The following LMBRD2 variants were observed in gnomAD, a reference collection of about 807,000 sequenced individuals.
The protein encoded by LMBRD2 is G protein-coupled receptor-associated protein LMBRD2.
A neutral mutation model predicts 94.4 loss-of-function variants in LMBRD2; 55 were observed. The ratio of observed to expected loss-of-function variants is 0.58; its 90% CI spans 0.47 to 0.73. LMBRD2 has a LOEUF of 0.73. Ranked by LOEUF, LMBRD2 falls within the 30% of genes least tolerant of loss-of-function variation. The probability of loss-of-function intolerance (pLI) is 0.00; values close to 1 mark genes in which losing one functional copy is unlikely to be tolerated. For missense variants in LMBRD2, 640 were observed against 831.9 expected, an observed-to-expected ratio of 0.77 and a Z score of 2.84; for synonymous variants, 246 against 272.4, an observed-to-expected ratio of 0.90 and a Z score of 0.95.
In LMBRD2 at chr5:36,131,118, C is replaced by T. The variant is rs1157933952; in HGVS notation, c.747+5191G>A. Among the ~76,000 whole-genome samples the T allele has an allele frequency of 3.3e-5, 5 of 152,028 alleles. No individual in the cohort carries two copies. The East Asian group carries it at 5.8e-4, about 18-fold the overall frequency. ...CACTAGCAAAATGAATTCAAGAACA[C>T]GTTGAAAAGGTCATCCATCTGATCA... On this transcript the variant is annotated intron_variant, in intron 6 of 17. Coordinates refer to ENST00000296603, the MANE Select transcript of LMBRD2 (RefSeq NM_001007527.2).
At chr5:36,111,470 A>G (rs1279901232) in intron 13 of LMBRD2, among the ~76,000 whole-genome samples, 1 of 152,052 alleles carries the variant, frequency 6.6e-6, no homozygotes, top group Non-Finnish European at 1.5e-5. Context: ...TGATTAGGGT[A>G]TGCACTATAT....
chr5:36,143,112 T>C, intron 2 of LMBRD2, 64 bp downstream of exon 2: 2 of 1,089,550 alleles, frequency 1.8e-6, no homozygotes, highest in Non-Finnish European at 2.7e-6. Context: ...AATAACATTA[T>C]TTCCAACATG....
intron 14 of LMBRD2, 23 bp from the exon 15 acceptor site, chr5:36,110,014 A>C: frequency 1.3e-6 from 2 of 1,587,912 alleles, no homozygotes; most frequent in Non-Finnish European, 1.7e-6. Context: ...AAATGATCTC[A>C]AATATGGCAT....
intron 1 of LMBRD2, among the ~76,000 whole-genome samples, chr5:36,144,527 T>C (rs1419445264): frequency 6.6e-6 from 1 of 151,992 alleles, no homozygotes; most frequent in Non-Finnish European, 1.5e-5. Flanking sequence ...CTACTAAAAA[T>C]ACAAAAATTA....
chr5:36,131,978 T>C (rs1744162497), intron 6 of LMBRD2, among the ~76,000 whole-genome samples: 2 of 152,120 alleles, frequency 1.3e-5, no homozygotes, highest in South Asian at 4.1e-4. Context: ...CTAAAATTTA[T>C]ATGGAACCAC....
rs775647455 is a variant in LMBRD2, at chr5:36,105,234, T to A, written c.1898-37A>T. ...GGGGGAAAAATGTCTACTTCCCTAC[T>A]GTCTTTTAACTTATGGGTCACAGTC... On this transcript the variant is annotated intron_variant, in intron 16 of 17. Coordinates refer to ENST00000296603, the MANE Select transcript of LMBRD2 (RefSeq NM_001007527.2). 21 of 1,604,350 alleles carry A rather than the reference T, an allele frequency of 1.3e-5. No individual in the cohort carries two copies. In the African/African-American group the frequency reaches 2.8e-4, roughly 21 times the overall value.
chr5:36,144,852 A>G (rs1000913105), intron 1 of LMBRD2, among the ~76,000 whole-genome samples: 2 of 152,230 alleles, frequency 1.3e-5, no homozygotes, highest in Non-Finnish European at 2.9e-5. Context: ...TATCACATAG[A>G]AAAATCACAT....
intron 11 of LMBRD2, 79 bp downstream of exon 11, chr5:36,116,381 A>C: frequency 2.2e-6 from 3 of 1,348,846 alleles, no homozygotes; most frequent in Non-Finnish European, 3.1e-6. Flanking sequence ...GAACACCTGT[A>C]AACAACAAAA....
chr5:36,123,278 A>T (rs1743929773), intron 7 of LMBRD2, among the ~76,000 whole-genome samples: 1 of 152,132 alleles, frequency 6.6e-6, no homozygotes, highest in Non-Finnish European at 1.5e-5. Flanking sequence ...AGTAGGATAA[A>T]TTATTTTTCT....
At chr5:36,138,385 G>T (rs1182240812) in intron 4 of LMBRD2, among the ~76,000 whole-genome samples, 1 of 152,188 alleles carries the variant, frequency 6.6e-6, no homozygotes, top group Non-Finnish European at 1.5e-5. Context: ...GAAAAGAACA[G>T]AATACTGATA....
At chr5:36,104,977 C>A (rs1743429099) in intron 17 of LMBRD2, 91 bp downstream of exon 17, 1 of 1,238,252 alleles carries the variant, frequency 8.1e-7, no homozygotes, top group South Asian at 1.7e-5. Flanking sequence ...TTACTTTCAC[C>A]TTTACTTACT....
At chr5:36,116,661 C>G (rs1581046586) in intron 10 of LMBRD2, 68 bp from the exon 11 acceptor site, 10 of 1,426,360 alleles carry the variant, frequency 7.0e-6, no homozygotes, top group Admixed American at 5.9e-5. Context: ...CAATTACAGG[C>G]ATTATCCTTC....
At chr5:36,148,997 T>C (rs190769727) in intron 1 of LMBRD2, among the ~76,000 whole-genome samples, 409 of 152,340 alleles carry the variant, frequency 2.7e-3, no homozygotes, top group Non-Finnish European at 4.9e-3. Flanking sequence ...AAGGGTAATA[T>C]ATGACTGTAC....
chr5:36,144,410 C>T (rs1240968208), intron 1 of LMBRD2, among the ~76,000 whole-genome samples: 16 of 152,086 alleles, frequency 1.1e-4, no homozygotes, highest in Non-Finnish European at 4.4e-5. Flanking sequence ...AAATAAGGGG[C>T]AGTGGCTCAC....
intron 15 of LMBRD2, among the ~76,000 whole-genome samples, chr5:36,109,609 C>T (rs1743555468): frequency 6.6e-6 from 1 of 151,832 alleles, no homozygotes. Context: ...AAAAGAGAAA[C>T]AATTTTAAAG....
chr5:36,134,639 G>A (rs1479513137), intron 6 of LMBRD2, among the ~76,000 whole-genome samples: 2 of 152,062 alleles, frequency 1.3e-5, no homozygotes, highest in Admixed American at 6.6e-5. Context: ...GCCAAAGATC[G>A]TAGACCACCA....
At chr5:36,112,664 T>C (rs1355471529) in intron 13 of LMBRD2, among the ~76,000 whole-genome samples, 1 of 152,188 alleles carries the variant, frequency 6.6e-6, no homozygotes. Flanking sequence ...CTTTTAATGA[T>C]TATCTTAACA....
chr5:36,146,941 A>AGAGTGT (rs1491140086), intron 1 of LMBRD2, among the ~76,000 whole-genome samples: 2 of 139,370 alleles, frequency 1.4e-5, no homozygotes, highest in Non-Finnish European at 3.1e-5. Flanking sequence ...TGTGTGTGTG[A>AGAGTGT]GTGTGTGTGT....
At chr5:36,115,916 A>G (rs116559517) in intron 11 of LMBRD2, among the ~76,000 whole-genome samples, 2,671 of 152,302 alleles carry the variant, frequency 0.018, 73 homozygotes, top group African/African-American at 0.06. Context: ...ACAACAAAAA[A>G]GATGCTTAAA....
Sources: gnomAD v4.1 joint callset for allele counts (sites outside exome capture counted in the v4.1 genomes callset) on GRCh38, gnomAD v4.1.1 for gene constraint, MANE v1.5 for transcripts, NCBI Gene and HGNC (gene_info 2026-07-23, HGNC 2026-07-21) for gene names.